Variants in RIPOR2 observed in about 807,000 individuals in gnomAD.
RIPOR2 encodes RHO family interacting cell polarization regulator 2, also known as rho family-interacting cell polarization regulator 2.
RIPOR2 carries 39 observed loss-of-function variants against 114.5 expected under a neutral mutation model. The ratio of observed to expected loss-of-function variants is 0.34; its 90% CI spans 0.26 to 0.44. The LOEUF is 0.44. Ranked by LOEUF, RIPOR2 falls within the 20% of genes least tolerant of loss-of-function variation. RIPOR2 has a pLI of 1.00. For synonymous variants in RIPOR2, 445 were observed against 484.4 expected, an observed-to-expected ratio of 0.92 and a Z score of 1.07; for missense variants, 1,007 against 1,255.1, an observed-to-expected ratio of 0.80 and a Z score of 2.99.
intron 1 of RIPOR2, among the ~76,000 whole-genome samples, chr6:25,039,249 G>A (rs1041029357): frequency 6.6e-6 from 1 of 152,276 alleles, no homozygotes; most frequent in East Asian, 1.9e-4. Context: ...AGTGATAAGC[G>A]TCCTTCCCTC....
chr6:24,926,606 C>G (rs73731446), intron 1 of RIPOR2, among the ~76,000 whole-genome samples: 3 of 152,060 alleles, frequency 2.0e-5, no homozygotes, highest in Non-Finnish European at 4.4e-5. Context: ...GGTGAGCAGT[C>G]GCAATAGCTC....
intron 1 of RIPOR2, among the ~76,000 whole-genome samples, chr6:24,877,957 G>A (rs530119074): frequency 2.0e-5 from 3 of 152,294 alleles, no homozygotes; most frequent in Middle Eastern, 3.4e-3. Flanking sequence ...GTCAGAGCAG[G>A]TGACCAGGGG....
At chr6:24,956,422 AACTTAAAT>A (rs1195085423) in intron 1 of RIPOR2, among the ~76,000 whole-genome samples, 1 of 152,170 alleles carries the variant, frequency 6.6e-6, no homozygotes, top group African/African-American at 2.4e-5. Context: ...AAGGGAGAAA[AACTTAAAT>A]ACTTATCATC....
At position 24,839,743 on chromosome 6, in the gene RIPOR2, C is replaced by T. The variant is rs1179299765; in HGVS notation, c.1858-471G>A. 9.8e-6 allele frequency: 14 copies of T among 1,435,466 alleles called. No individual in the cohort carries two copies. The East Asian group carries it at 3.3e-4, about 34-fold the overall frequency. 88.9% of individuals were successfully genotyped at this position (1,435,466 alleles called of 1,614,324 possible). On this transcript the variant is annotated intron_variant, in intron 13 of 21. Coordinates refer to ENST00000643898, the MANE Select transcript of RIPOR2 (RefSeq NM_001286445.3). ...CCCAAAATAAAATACCACAAGCAGA[C>T]AAATTTTAAGTCAGTGAGTCAATGC...
chr6:24,852,612 G>A lies in RIPOR2; in HGVS notation c.722C>T (p.Ala241Val), dbSNP rs1200698489. ...GEFSIKMKGL[A>V]GFARLCPGDQ... ...TCCAGGACAGAGGCGTGCAAAGCCA[G>A]CCAGACCTGTAACCAAGAAATTGGA... The change falls in exon 9 of 22, where the codon GCT (alanine) becomes GTT (valine). Residue 241 changes from alanine (A) to valine (V), a missense_variant. Ala to Val is a moderately conservative substitution (Grantham distance 64, BLOSUM62 0). Transcript: ENST00000643898. 6.3e-7 allele frequency: 1 copy of A among 1,591,002 alleles called. No individual in the cohort carries two copies. Among genetic ancestry groups the A allele is most frequent in the Non-Finnish European group, 8.5e-7 (1 of 1,173,084 alleles).
chr6:25,009,567 C>T (rs1561841359), intron 1 of RIPOR2, among the ~76,000 whole-genome samples: 1 of 152,164 alleles, frequency 6.6e-6, no homozygotes, highest in Non-Finnish European at 1.5e-5. Context: ...AAGCTCGTTA[C>T]CACCCAGATG....
chr6:24,857,075 G>C (rs1763542683), intron 8 of RIPOR2, among the ~76,000 whole-genome samples: 1 of 152,150 alleles, frequency 6.6e-6, no homozygotes. Flanking sequence ...TAGCACAATG[G>C]CACTATCCAG....
At chr6:24,952,851 C>T (rs965573814) in intron 1 of RIPOR2, among the ~76,000 whole-genome samples, 4 of 152,262 alleles carry the variant, frequency 2.6e-5, no homozygotes, top group Non-Finnish European at 5.9e-5. Context: ...GAAAGAATAA[C>T]ATACACATGT....
chr6:24,950,766 C>G (rs1772708406), intron 1 of RIPOR2, among the ~76,000 whole-genome samples: 1 of 146,850 alleles, frequency 6.8e-6, no homozygotes, highest in South Asian at 2.1e-4. Flanking sequence ...TTCATTTAAA[C>G]AAGCCTAAAG....
intron 16 of RIPOR2, 76 bp downstream of exon 16, chr6:24,832,180 G>A: frequency 2.2e-6 from 3 of 1,344,146 alleles, no homozygotes; most frequent in Admixed American, 4.9e-5. Flanking sequence ...ACAAAGCAAT[G>A]AACATGCATA....
intron 1 of RIPOR2, among the ~76,000 whole-genome samples, chr6:24,954,815 G>A (rs1772955049): frequency 6.6e-6 from 1 of 152,070 alleles, no homozygotes; most frequent in South Asian, 2.1e-4. Context: ...GATTAATAAC[G>A]TATTCTCATT....
chr6:24,863,379 C>T (rs1764277204), intron 7 of RIPOR2, among the ~76,000 whole-genome samples: 1 of 152,136 alleles, frequency 6.6e-6, no homozygotes, highest in Non-Finnish European at 1.5e-5. Flanking sequence ...GTCATGATGC[C>T]ATGCCCTGGC....
At chr6:24,925,675 C>T (rs1198828756) in intron 1 of RIPOR2, among the ~76,000 whole-genome samples, 1 of 151,598 alleles carries the variant, frequency 6.6e-6, no homozygotes, top group Admixed American at 6.6e-5. Flanking sequence ...GTACTCCAGC[C>T]TGGTGACAGA....
chr6:24,941,375 GAAA>G (rs75044779), intron 1 of RIPOR2, among the ~76,000 whole-genome samples: 6 of 140,952 alleles, frequency 4.3e-5, no homozygotes, highest in East Asian at 4.1e-4. Flanking sequence ...ACTAGAAACA[GAAA>G]AAAAAAAAAG....
intron 1 of RIPOR2, among the ~76,000 whole-genome samples, chr6:24,950,112 C>T (rs1046755527): frequency 6.6e-6 from 1 of 152,118 alleles, no homozygotes; most frequent in African/African-American, 2.4e-5. Flanking sequence ...TATAAATGCC[C>T]GGTGCTGCTA....
rs1449302507 is a variant in RIPOR2 at position 24,805,141 on chromosome 6, C to T, written c.*1232G>A. 3.3e-5 allele frequency: 5 copies of T among 152,010 alleles called. No individual in the cohort carries two copies. In the South Asian group the frequency reaches 6.2e-4, roughly 19 times the overall value. The allele number at this position is 152,010 out of a possible 1,614,324, so 9.4% of individuals were successfully genotyped here. A position where few individuals can be genotyped will look rare whatever the true frequency, so the allele number is the denominator to read the frequency against. Reference sequence around the variant, plus strand: ...TAGGTTCCTCCACCTCAAAGAGCATCACAGGTTTGTGAATCTACAGCTTTT... The same window carrying T: ...TAGGTTCCTCCACCTCAAAGAGCATTACAGGTTTGTGAATCTACAGCTTTT... On this transcript the variant is annotated 3_prime_UTR_variant, in exon 22 of 22. Coordinates refer to ENST00000643898, the MANE Select transcript of RIPOR2 (RefSeq NM_001286445.3).
rs1045657521 is a variant in RIPOR2, at chr6:24,832,300, G to A, written c.2300C>T (p.Ala767Val). 3.5e-5 allele frequency: 55 copies of A among 1,551,624 alleles called. No homozygotes were observed. Among genetic ancestry groups the A allele is most frequent in the Non-Finnish European group, 4.6e-5 (53 of 1,146,938 alleles). Residue 767 changes from alanine to valine, a missense_variant, in exon 16 of 22, where the codon GCT becomes GTT. Physicochemically the swap from Ala to Val is moderately conservative, Grantham distance 64 (BLOSUM62 0). Transcript: ENST00000643898. Reference sequence around the variant, plus strand: ...ATTTCCTATGTTCTCATCACTGACAGCTGCGAGTTTCTCCATCACTTGGAT... The same window carrying A: ...ATTTCCTATGTTCTCATCACTGACAACTGCGAGTTTCTCCATCACTTGGAT... ...RQIQVMEKLA[A>V]VSDENIGNIS...
chr6:24,903,208 A>C (rs1377530812), intron 1 of RIPOR2, among the ~76,000 whole-genome samples: 1 of 152,174 alleles, frequency 6.6e-6, no homozygotes, highest in African/African-American at 2.4e-5. Flanking sequence ...TAGTCTCAGG[A>C]TAGTCAGACT....
In RIPOR2 at chr6:24,832,143, A is replaced by T. The variant is rs955397640; in HGVS notation, c.2344+113T>A. 8.5e-6 allele frequency: 9 copies of T among 1,062,870 alleles called. No homozygotes were observed. In the South Asian group the frequency reaches 1.4e-4, roughly 16 times the overall value. The allele number at this position is 1,062,870 out of a possible 1,614,324, so 65.8% of individuals were successfully genotyped here. On this transcript the variant is annotated intron_variant, in intron 16 of 21. Transcript: ENST00000643898. ...TTTGGAGACCTTTCTCAATCCTGTG[A>T]CCTAAGAATGCTTTTCTGTTTTTCC...
Sources: allele counts gnomAD v4.1 joint callset (sites outside exome capture counted in the v4.1 genomes callset), GRCh38; gene constraint gnomAD v4.1.1; transcripts MANE v1.5; gene names NCBI Gene and HGNC (gene_info 2026-07-23, HGNC 2026-07-21).